Variants in NRXN3 observed in about 807,000 individuals in gnomAD.
The protein encoded by NRXN3 is neurexin 3, also known as neurexin III.
NRXN3 carries 32 observed loss-of-function variants against 137.6 expected under a neutral mutation model. The ratio of observed to expected loss-of-function variants is 0.23; its 90% CI spans 0.18 to 0.31. NRXN3 has a LOEUF of 0.31. Ranked by LOEUF, NRXN3 falls within the 10% of genes least tolerant of loss-of-function variation. The pLI is 1.00. For synonymous variants in NRXN3, 798 were observed against 784.5 expected (o/e 1.02, Z -0.29); for missense variants, 1,574 against 2,062.5 (o/e 0.76, Z 4.59).
chr14:79,253,946 TTG>T (rs1407703165), intron 15 of NRXN3, among the ~76,000 whole-genome samples: 3 of 152,210 alleles, frequency 2.0e-5, no homozygotes, highest in Non-Finnish European at 4.4e-5. Context: ...TAGAATACAT[TTG>T]TAAGTTCATA....
At chr14:78,308,847 A>C (rs2077636578) in intron 4 of NRXN3, among the ~76,000 whole-genome samples, 1 of 152,130 alleles carries the variant, frequency 6.6e-6, no homozygotes, top group African/African-American at 2.4e-5. Context: ...ATTTGAAATA[A>C]ATTTGTTACT....
intron 15 of NRXN3, among the ~76,000 whole-genome samples, chr14:79,369,041 G>A (rs771440552): frequency 1.3e-4 from 20 of 152,286 alleles, no homozygotes; most frequent in Non-Finnish European, 2.2e-4. Context: ...AAAATCAATC[G>A]TGTGGTAAAT....
chr14:79,142,382 C>T (rs985561349), intron 15 of NRXN3, among the ~76,000 whole-genome samples: 4 of 151,288 alleles, frequency 2.6e-5, no homozygotes, highest in Non-Finnish European at 5.9e-5. Context: ...GCCGAGATGG[C>T]GCCACTGCAC....
chr14:79,094,687 TTTTG>T (rs902651216), intron 15 of NRXN3, among the ~76,000 whole-genome samples: 3 of 152,010 alleles, frequency 2.0e-5, no homozygotes, highest in Non-Finnish European at 4.4e-5. Context: ...AAGTCTGAGT[TTTTG>T]TTTGTTTGTT....
At chr14:78,302,598 C>T (rs1016555849) in intron 4 of NRXN3, among the ~76,000 whole-genome samples, 5 of 152,184 alleles carry the variant, frequency 3.3e-5, no homozygotes, top group Admixed American at 2.6e-4. Context: ...CAGCCTACCA[C>T]CTTGCATTCT....
chr14:79,465,015 A>T (rs1240855895), intron 15 of NRXN3, among the ~76,000 whole-genome samples: 1 of 152,214 alleles, frequency 6.6e-6, no homozygotes, highest in African/African-American at 2.4e-5. Context: ...TCTCTGTAGC[A>T]GAATCCACTA....
chr14:78,298,982 G>A (rs950133888), intron 4 of NRXN3, among the ~76,000 whole-genome samples: 7 of 152,174 alleles, frequency 4.6e-5, no homozygotes, highest in Admixed American at 6.5e-5. Context: ...GAAGAAGTTC[G>A]TTTATGGCAT....
chr14:78,378,937 G>T (rs1386852420), intron 4 of NRXN3, among the ~76,000 whole-genome samples: 1 of 151,850 alleles, frequency 6.6e-6, no homozygotes, highest in Non-Finnish European at 1.5e-5. Flanking sequence ...TGAAATAAAG[G>T]ATATCGCTAT....
intron 4 of NRXN3, among the ~76,000 whole-genome samples, chr14:78,471,330 ACACCCC>A (rs761838510): frequency 4.4e-4 from 6 of 13,534 alleles, no homozygotes; most frequent in African/African-American, 1.0e-3. Flanking sequence ...ACACACACAC[ACACCCC>A]CAAGAAATTC....
chr14:79,666,706 C>A (rs2153990396), intron 17 of NRXN3, among the ~76,000 whole-genome samples: 1 of 152,056 alleles, frequency 6.6e-6, no homozygotes, highest in East Asian at 1.9e-4. Flanking sequence ...TCTTAGATTT[C>A]TTTCTTTAAA....
intron 20 of NRXN3, among the ~76,000 whole-genome samples, chr14:79,851,047 G>T (rs968264261): frequency 6.6e-6 from 1 of 152,146 alleles, no homozygotes; most frequent in Admixed American, 6.5e-5. Flanking sequence ...TTTTAAAACA[G>T]GCAATTTTGG....
At chr14:78,384,602 C>T (rs1391392733) in intron 4 of NRXN3, among the ~76,000 whole-genome samples, 2 of 151,852 alleles carry the variant, frequency 1.3e-5, no homozygotes, top group African/African-American at 4.8e-5. Flanking sequence ...AAATGTAGAC[C>T]CACTATAACT....
chr14:78,372,791 G>A (rs546910136), intron 4 of NRXN3, among the ~76,000 whole-genome samples: 3 of 152,162 alleles, frequency 2.0e-5, no homozygotes, highest in African/African-American at 4.8e-5. Flanking sequence ...ACATAGTAGG[G>A]TTCAAATATT....
chr14:78,580,834 G>A (rs1286399373), intron 4 of NRXN3, among the ~76,000 whole-genome samples: 2 of 152,202 alleles, frequency 1.3e-5, no homozygotes, highest in African/African-American at 4.8e-5. Flanking sequence ...AGCCCAAAGG[G>A]CTTTTGTCAT....
At chr14:79,349,151 C>T (rs1227105610) in intron 15 of NRXN3, among the ~76,000 whole-genome samples, 1 of 152,106 alleles carries the variant, frequency 6.6e-6, no homozygotes, top group East Asian at 1.9e-4. Context: ...ACATCCTCTT[C>T]AGCAGTTAGT....
intron 16 of NRXN3, among the ~76,000 whole-genome samples, chr14:79,531,319 C>T (rs2097168006): frequency 1.3e-5 from 2 of 152,102 alleles, no homozygotes; most frequent in Non-Finnish European, 2.9e-5. Flanking sequence ...GAGTTTGTTG[C>T]TTTGGATTTG....
At chr14:78,592,802 G>A (rs2097128037) in intron 4 of NRXN3, among the ~76,000 whole-genome samples, 1 of 152,152 alleles carries the variant, frequency 6.6e-6, no homozygotes, top group African/African-American at 2.4e-5. Context: ...GACAACTGGG[G>A]ACTCGATAAC....
chr14:79,790,832 G>A (rs970783799), intron 19 of NRXN3, among the ~76,000 whole-genome samples: 1 of 151,992 alleles, frequency 6.6e-6, no homozygotes, highest in Non-Finnish European at 1.5e-5. Context: ...TCTTGGCCAG[G>A]TGGGTCTTGA....
At position 78,463,484 on chromosome 14, in the gene NRXN3, C is replaced by T. The variant is rs544029527; in HGVS notation, c.757+165624C>T. Among the ~76,000 whole-genome samples the T allele has an allele frequency of 1.5e-4, 22 of 151,594 alleles. 1 individual carries two copies. In the South Asian group the frequency reaches 4.4e-3, roughly 30 times the overall value. On this transcript the variant is annotated intron_variant, in intron 4 of 20. Transcript: ENST00000335750. ...TTTGAGAAATCTCCATACTATTTTC[C>T]GTAGAGGTTGTATTAATTTACATTC...
Sources: allele counts gnomAD v4.1 joint callset (sites outside exome capture counted in the v4.1 genomes callset), GRCh38; gene constraint gnomAD v4.1.1; transcripts MANE v1.5; gene names NCBI Gene and HGNC (gene_info 2026-07-23, HGNC 2026-07-21).